Variants in GLCCI1 observed in about 807,000 individuals in gnomAD.
The protein encoded by GLCCI1 is glucocorticoid-induced transcript 1 protein.
Under a neutral mutation model 52.2 loss-of-function variants are expected in GLCCI1, and 24 were observed. That is an observed-to-expected ratio of 0.46 (90% CI 0.33 to 0.65). GLCCI1 has a LOEUF of 0.65. Ranked by LOEUF, GLCCI1 falls within the 30% of genes least tolerant of loss-of-function variation. The pLI is 0.02. For missense variants in GLCCI1, 704 were observed against 701.5 expected (o/e 1.00, Z -0.04); for synonymous variants, 310 against 276.5 (o/e 1.12, Z -1.20).
intron 3 of GLCCI1, among the ~76,000 whole-genome samples, chr7:8,033,686 C>A (rs1179848346): frequency 6.6e-6 from 1 of 151,916 alleles, no homozygotes; most frequent in Non-Finnish European, 1.5e-5. Context: ...ATTTAAGAGA[C>A]CACTCCAGAA....
intron 5 of GLCCI1, among the ~76,000 whole-genome samples, chr7:8,060,878 T>C (rs955955867): frequency 6.6e-6 from 1 of 152,166 alleles, no homozygotes; most frequent in African/African-American, 2.4e-5. Flanking sequence ...ATGTTTAACT[T>C]TTTGAGGAAC....
Position 8,070,947 on chromosome 7 carries a change from A to C in GLCCI1, c.993A>C (p.Arg331Ser). ...SKPLDIPDGR[R>S]APLPAHYRSS... Reference sequence around the variant, plus strand: ...CGTTGGACATACCAGATGGTCGAAGAGCTCCACTTCCTGCTCATTACCGGA... The same window carrying C: ...CGTTGGACATACCAGATGGTCGAAGCGCTCCACTTCCTGCTCATTACCGGA... The change falls in exon 6 of 8, where the codon AGA becomes AGC. Residue 331 changes from arginine to serine, a missense_variant. By Grantham distance (110) the Arg-to-Ser change is moderately radical. Around this residue, in one of 3 missense-constraint regions of GLCCI1, gnomAD observed 547 missense variants for 524.8 expected, o/e 1.04. Coordinates refer to ENST00000223145, the MANE Select transcript of GLCCI1 (RefSeq NM_138426.4). The C allele has an allele frequency of 6.2e-7, 1 of 1,614,052 alleles. No individual in the cohort carries two copies. Among genetic ancestry groups the C allele is most frequent in the East Asian group, 2.2e-5 (1 of 44,880 alleles).
chr7:7,987,086 A>C (rs116669861), intron 1 of GLCCI1, among the ~76,000 whole-genome samples: 2,647 of 151,880 alleles, frequency 0.017, 67 homozygotes, highest in African/African-American at 0.06. Flanking sequence ...AAAACAAAAC[A>C]AAAAAACCCC....
chr7:7,982,110 A>AC, intron 1 of GLCCI1: 1 of 429,676 alleles, frequency 2.3e-6, no homozygotes, highest in South Asian at 1.9e-5. Flanking sequence ...AGGAATGGCC[A>AC]TTATAGTAAT....
At chr7:8,029,254 C>G (rs1283577787) in intron 3 of GLCCI1, among the ~76,000 whole-genome samples, 1 of 152,138 alleles carries the variant, frequency 6.6e-6, no homozygotes, top group African/African-American at 2.4e-5. Flanking sequence ...GATCATTCAT[C>G]CTGTCCAAGT....
intron 2 of GLCCI1, among the ~76,000 whole-genome samples, chr7:8,008,682 G>A (rs1485883447): frequency 6.6e-6 from 1 of 152,122 alleles, no homozygotes; most frequent in African/African-American, 2.4e-5. Flanking sequence ...GCATTTTGCT[G>A]TATAACTTTA....
chr7:8,052,603 C>A (rs1377676317), intron 3 of GLCCI1, among the ~76,000 whole-genome samples: 6 of 152,192 alleles, frequency 3.9e-5, no homozygotes, highest in African/African-American at 1.4e-4. Context: ...AAATATTGTT[C>A]AGCAGTCTGC....
At chr7:8,003,837 A>T (rs1781093825) in intron 1 of GLCCI1, 71 bp from the exon 2 acceptor site, 7 of 1,363,826 alleles carry the variant, frequency 5.1e-6, no homozygotes, top group Non-Finnish European at 7.0e-6. Context: ...CATTCTACAA[A>T]CTATGAAGTT....
chr7:7,988,779 A>G (rs1489865608), intron 1 of GLCCI1, among the ~76,000 whole-genome samples: 1 of 152,212 alleles, frequency 6.6e-6, no homozygotes, highest in East Asian at 1.9e-4. Flanking sequence ...AGTCTTCTAT[A>G]GTAGACTCCT....
intron 3 of GLCCI1, among the ~76,000 whole-genome samples, chr7:8,040,985 T>A (rs1283941293): frequency 6.6e-6 from 1 of 152,078 alleles, no homozygotes; most frequent in Non-Finnish European, 1.5e-5. Context: ...TCACATTCAG[T>A]CAAAAGCTAG....
intron 3 of GLCCI1, among the ~76,000 whole-genome samples, chr7:8,039,418 A>T (rs1781946673): frequency 6.6e-6 from 1 of 152,206 alleles, no homozygotes; most frequent in Non-Finnish European, 1.5e-5. Flanking sequence ...GTGTGTGTAT[A>T]TATATGTATA....
At chr7:8,045,994 T>C (rs1035279159) in intron 3 of GLCCI1, among the ~76,000 whole-genome samples, 1 of 150,862 alleles carries the variant, frequency 6.6e-6, no homozygotes, top group African/African-American at 2.4e-5. Context: ...ATGTTTAAGA[T>C]GTTCAAATGA....
intron 1 of GLCCI1, chr7:7,980,986 G>C: frequency 1.8e-6 from 1 of 555,330 alleles, no homozygotes; most frequent in South Asian, 1.6e-5. Flanking sequence ...TGAAGAAATT[G>C]ATCATTTCAA....
intron 1 of GLCCI1, among the ~76,000 whole-genome samples, chr7:7,976,749 G>A (rs956769749): frequency 4.6e-5 from 7 of 151,336 alleles, no homozygotes; most frequent in Non-Finnish European, 8.8e-5. Flanking sequence ...TTGCCTCTGC[G>A]CAAAATATAA....
At chr7:8,022,922 T>C (rs553706364) in intron 3 of GLCCI1, among the ~76,000 whole-genome samples, 1 of 152,380 alleles carries the variant, frequency 6.6e-6, no homozygotes, top group South Asian at 2.1e-4. Flanking sequence ...TTTAGTTATC[T>C]TTTGTTCTCT....
At chr7:8,063,775 C>T (rs1782569966) in intron 5 of GLCCI1, among the ~76,000 whole-genome samples, 1 of 151,650 alleles carries the variant, frequency 6.6e-6, no homozygotes, top group Admixed American at 6.6e-5. Context: ...TGTCCCACCA[C>T]AGCCAGCTGA....
chr7:8,012,737 G>A (rs573992279), intron 2 of GLCCI1, among the ~76,000 whole-genome samples: 6 of 151,950 alleles, frequency 3.9e-5, no homozygotes, highest in African/African-American at 7.2e-5. Context: ...GAGCCACCAC[G>A]CCTGGCCAGG....
At chr7:8,077,888 G>A (rs984835992) in intron 6 of GLCCI1, among the ~76,000 whole-genome samples, 1 of 152,150 alleles carries the variant, frequency 6.6e-6, no homozygotes, top group Non-Finnish European at 1.5e-5. Context: ...AACGGTTGGG[G>A]TATAGGGGTG....
chr7:7,984,517 G>A (rs565203983), intron 1 of GLCCI1, among the ~76,000 whole-genome samples: 5 of 152,300 alleles, frequency 3.3e-5, no homozygotes, highest in East Asian at 1.9e-4. Flanking sequence ...GAACTTCATC[G>A]TAATGTAAAA....
Sources: gnomAD v4.1 joint callset for allele counts (sites outside exome capture counted in the v4.1 genomes callset) on GRCh38, gnomAD v4.1.1 for gene constraint, gnomAD v4.1.1 regional missense constraint, MANE v1.5 for transcripts, NCBI Gene and HGNC (gene_info 2026-07-23, HGNC 2026-07-21) for gene names.